Variants in PSTK observed in about 807,000 individuals in gnomAD.
The protein encoded by PSTK is L-seryl-tRNA(Sec) kinase.
In PSTK, 26 loss-of-function variants were observed where a neutral mutation model predicts 38.6. The observed-to-expected ratio is 0.67, with a 90% CI of 0.49 to 0.94. PSTK has a LOEUF of 0.94. PSTK is among the 40% of genes least tolerant of loss of function. PSTK has a pLI of 0.00. For synonymous variants in PSTK, 181 were observed against 161.7 expected (o/e 1.12, Z -0.91); for missense variants, 445 against 436.3 (o/e 1.02, Z -0.18).
At chr10:122,983,678 C>A in intron 3 of PSTK, 1 of 570,422 alleles carries the variant, frequency 1.8e-6, no homozygotes, top group Non-Finnish European at 3.1e-6. Context: ...CTGCTCATAA[C>A]TGTTACGATT....
At chr10:122,986,568 C>T (rs917647500) in intron 4 of PSTK, 193 bp downstream of exon 4, 3 of 609,780 alleles carry the variant, frequency 4.9e-6, no homozygotes, top group Admixed American at 2.9e-5. Context: ...AGTGTTGGAG[C>T]CTGTTGATGG....
Position 122,980,686 on chromosome 10 carries a change from G to C in PSTK, c.207G>C (p.Ala69=). 1 of 1,560,708 alleles carries C rather than the reference G, an allele frequency of 6.4e-7. No homozygotes were observed. ...MPDAFLAGAR[A]RPAPSQWKLL... The stretch of plus-strand genomic sequence containing the variant: ...ACGCGTTTCTCGCCGGGGCAAGAGC[G>C]CGACCGGCGGTCAGCACGGAGGGGC... Residue 69 remains alanine, a synonymous_variant, in exon 1 of 6, where the codon GCG becomes GCC. Transcript: ENST00000406217. This position sits in a 1 kb window ranked among gnomAD's most constrained non-coding sequence, Gnocchi z 4.3.
Position 122,980,867 on chromosome 10 carries a change from G to A in PSTK, c.216+172G>A, listed in dbSNP as rs1234713956. 1.0e-6 allele frequency: 1 copy of A among 963,426 alleles called. No homozygotes were observed. The highest frequency in any genetic ancestry group is 1.8e-5 in the African/African-American group (1 of 56,778). The allele number at this position is 963,426 out of a possible 1,614,324, so 59.7% of individuals were successfully genotyped here. On this transcript the variant is annotated intron_variant, in intron 1 of 5. Transcript: ENST00000406217. The surrounding 1 kb of genome is among the most constrained non-coding windows in gnomAD (Gnocchi z 4.3). ...GCTGGGTTAACATAGTTACTGCAGA[G>A]GGTGAATGCGTTGGCTGTAGAAAGT...
intron 4 of PSTK, 151 bp downstream of exon 4, chr10:122,986,526 G>A (rs954375785): frequency 5.6e-5 from 37 of 656,774 alleles, no homozygotes; most frequent in Non-Finnish European, 9.5e-5. Context: ...AGCTCATGCC[G>A]GCTGGGCAAA....
At chr10:122,988,168 G>T (rs867646751) in intron 5 of PSTK, among the ~76,000 whole-genome samples, 6 of 152,008 alleles carry the variant, frequency 3.9e-5, no homozygotes, top group Non-Finnish European at 7.4e-5. Flanking sequence ...TTATTAATGG[G>T]TAACATTAAT....
chr10:122,987,484 G>A (rs373970246), intron 5 of PSTK: 12 of 1,614,040 alleles, frequency 7.4e-6, no homozygotes, highest in Non-Finnish European at 1.0e-5. Flanking sequence ...ATCGAGAAGA[G>A]GCCATTGAGC....
Position 122,980,593 on chromosome 10 carries a change from C to T in PSTK, c.114C>T (p.Leu38=). 1.2e-6 allele frequency: 2 copies of T among 1,612,032 alleles called. No individual in the cohort carries two copies. Among genetic ancestry groups the T allele is most frequent in the Non-Finnish European group, 1.7e-6 (2 of 1,179,552 alleles). ...GAAAATCGACTTTCGCGCGCGCCCT[C>T]GCCCACCGGCTGCAGCAGGAGCAGG... ...AAGKSTFARA[L]AHRLQQEQGW... Residue 38 remains leucine (L), a synonymous_variant, in exon 1 of 6, where the codon CTC becomes CTT. Coordinates refer to ENST00000406217, the MANE Select transcript of PSTK (RefSeq NM_001363531.2). This position sits in a 1 kb window ranked among gnomAD's most constrained non-coding sequence, Gnocchi z 4.3.
In PSTK at chr10:122,980,906, A is replaced by G. The variant is rs1848952009; in HGVS notation, c.216+211A>G. On this transcript the variant is annotated intron_variant, in intron 1 of 5. Coordinates refer to ENST00000406217, the MANE Select transcript of PSTK (RefSeq NM_001363531.2). The surrounding 1 kb of genome is among the most constrained non-coding windows in gnomAD (Gnocchi z 4.3). Reference sequence around the variant, plus strand: ...GCTGTAGAAAGTGGTTACAAAGCCAACTGTTAGAACGATGCATTTTAGATG... The same window carrying G: ...GCTGTAGAAAGTGGTTACAAAGCCAGCTGTTAGAACGATGCATTTTAGATG... 1.0e-5 allele frequency: 7 copies of G among 675,414 alleles called. No homozygotes were observed. The highest frequency in any genetic ancestry group is 1.3e-4 in the East Asian group (1 of 7,428). The allele number at this position is 675,414 out of a possible 1,614,324, so 41.8% of individuals were successfully genotyped here.
intron 3 of PSTK, chr10:122,984,419 T>A (rs1196352863): frequency 6.6e-6 from 1 of 152,244 alleles, no homozygotes; most frequent in African/African-American, 2.4e-5. Context: ...GCATGAGCTA[T>A]CACCCCCGGC....
intron 5 of PSTK, among the ~76,000 whole-genome samples, chr10:122,989,178 TG>T (rs1554864669): frequency 8.2e-5 from 1 of 12,146 alleles, no homozygotes; most frequent in African/African-American, 4.4e-4. Context: ...TGCTTAGAGA[TG>T]GGGGGCGGGG....
In PSTK at chr10:122,980,655, T is replaced by C. The variant is rs758359950; in HGVS notation, c.176T>C (p.Met59Thr). ...GGTGTTGTCGCGTATGATGACGTCA[T>C]GCCCGACGCGTTTCTCGCCGGGGCA... ...AIGVVAYDDV[M>T]PDAFLAGARA... Residue 59 changes from methionine to threonine, a missense_variant, in exon 1 of 6, where the codon ATG becomes ACG. Transcript: ENST00000406217. The surrounding 1 kb of genome is among the most constrained non-coding windows in gnomAD (Gnocchi z 4.3). The C allele has an allele frequency of 1.9e-6, 3 of 1,589,132 alleles. No homozygotes were observed. Among genetic ancestry groups the C allele is most frequent in the Non-Finnish European group, 2.6e-6 (3 of 1,167,754 alleles).
At chr10:122,981,804 TG>T (rs1589705928) in intron 1 of PSTK, among the ~76,000 whole-genome samples, 1 of 152,240 alleles carries the variant, frequency 6.6e-6, no homozygotes, top group East Asian at 1.9e-4. Flanking sequence ...TTGTATTTGC[TG>T]GCTTTCCCTT....
At chr10:122,987,545 T>G in intron 5 of PSTK, 1 of 1,601,600 alleles carries the variant, frequency 6.2e-7, no homozygotes, top group South Asian at 1.1e-5. Context: ...AGGTGTAAGA[T>G]CAGCATGGAA....
intron 5 of PSTK, chr10:122,987,498 G>C: frequency 6.2e-7 from 1 of 1,613,874 alleles, no homozygotes; most frequent in Non-Finnish European, 8.5e-7. Context: ...ATTGAGCACG[G>C]GGTGAGGTAA....
At chr10:122,988,099 C>T (rs747461321) in intron 5 of PSTK, among the ~76,000 whole-genome samples, 25 of 152,212 alleles carry the variant, frequency 1.6e-4, no homozygotes, top group African/African-American at 6.0e-4. Context: ...AACACCTTCA[C>T]ATGTTTAATG....
chr10:122,990,099 A>T, intron 5 of PSTK, 75 bp from the exon 6 acceptor site: 1 of 973,338 alleles, frequency 1.0e-6, no homozygotes, highest in Non-Finnish European at 1.5e-6. Context: ...TAATCAAATT[A>T]ATTTCCTAAT....
Position 122,986,270 on chromosome 10 carries a change from C to T in PSTK, c.708-30C>T, listed in dbSNP as rs1254304749. 4.1e-6 allele frequency: 5 copies of T among 1,227,054 alleles called. No homozygotes were observed. In the East Asian group the frequency reaches 1.2e-4, roughly 30 times the overall value. The allele number at this position is 1,227,054 out of a possible 1,614,324, so 76.0% of individuals were successfully genotyped here. A position where few individuals can be genotyped will look rare whatever the true frequency, so the allele number is the denominator to read the frequency against. On this transcript the variant is annotated intron_variant, in intron 3 of 5. Transcript: ENST00000406217. ...AAAGTCAGATGTTGGATATAAGGAT[C>T]TATTGTATTTTATCCCATTTTCTCT... is the stretch of plus-strand genomic sequence containing the variant.
chr10:122,980,474 G>A lies in PSTK; in HGVS notation c.-6G>A, dbSNP rs1848939108. The A allele has an allele frequency of 6.3e-7, 1 of 1,590,598 alleles. No homozygotes were observed. Among genetic ancestry groups the A allele is most frequent in the Non-Finnish European group, 8.5e-7 (1 of 1,172,618 alleles). ...CTCCCAGACTCCTCCGGTCTCCCCGGGCAGCATGAAGACCGCCGAGAACAT... is the reference window on the plus strand; with the variant it reads ...CTCCCAGACTCCTCCGGTCTCCCCGAGCAGCATGAAGACCGCCGAGAACAT... On this transcript the variant is annotated 5_prime_UTR_variant, in exon 1 of 6. Coordinates refer to ENST00000406217, the MANE Select transcript of PSTK (RefSeq NM_001363531.2). This position sits in a 1 kb window ranked among gnomAD's most constrained non-coding sequence, Gnocchi z 4.3.
chr10:122,987,221 C>T, intron 5 of PSTK: 1 of 1,394,430 alleles, frequency 7.2e-7, no homozygotes, highest in South Asian at 1.4e-5. Flanking sequence ...GGGAGCAGAA[C>T]ATTCTAATGA....
Sources: gnomAD v4.1 joint callset for allele counts (sites outside exome capture counted in the v4.1 genomes callset) on GRCh38, gnomAD v4.1.1 for gene constraint, Gnocchi (gnomAD v3.1) non-coding constraint, MANE v1.5 for transcripts, NCBI Gene and HGNC (gene_info 2026-07-23, HGNC 2026-07-21) for gene names.